The following VEGFC variants were observed in gnomAD, a reference collection of about 807,000 sequenced individuals.
VEGFC encodes the protein FLT4 ligand DHM.
In VEGFC, 12 loss-of-function variants were observed where a neutral mutation model predicts 46.1. The observed-to-expected ratio is 0.26, with a 90% CI of 0.17 to 0.42. The LOEUF (loss-of-function observed/expected upper bound fraction) is 0.42, where lower values mean the gene tolerates loss of function less well. VEGFC is among the 10% of genes least tolerant of loss of function. The probability of loss-of-function intolerance (pLI) is 1.00; values close to 1 mark genes in which losing one functional copy is unlikely to be tolerated. For missense variants in VEGFC, 488 were observed against 529.4 expected, an observed-to-expected ratio of 0.92 and a Z score of 0.77; for synonymous variants, 232 against 195.5, an observed-to-expected ratio of 1.19 and a Z score of -1.56.
intron 1 of VEGFC, among the ~76,000 whole-genome samples, chr4:176,788,994 A>G (rs1448879410): frequency 6.6e-6 from 1 of 152,256 alleles, no homozygotes; most frequent in Non-Finnish European, 1.5e-5. Context: ...TGAACATCAC[A>G]GATAATGATT....
chr4:176,786,599 G>A (rs145647425), intron 1 of VEGFC, among the ~76,000 whole-genome samples: 5 of 152,126 alleles, frequency 3.3e-5, no homozygotes, highest in African/African-American at 1.2e-4. Flanking sequence ...TAATTCACTT[G>A]TAGTATTTTT....
intron 4 of VEGFC, among the ~76,000 whole-genome samples, chr4:176,692,913 G>A (rs531488876): frequency 5.4e-4 from 79 of 147,562 alleles, no homozygotes; most frequent in Non-Finnish European, 8.5e-4. Flanking sequence ...TGCAGCTGAG[G>A]GTCCTGTCTG....
chr4:176,737,393 ATC>A (rs1454515267), intron 1 of VEGFC, among the ~76,000 whole-genome samples: 2 of 147,442 alleles, frequency 1.4e-5, no homozygotes, highest in Non-Finnish European at 3.0e-5. Flanking sequence ...TTATAATATA[ATC>A]TCTTTTTAAC....
chr4:176,698,173 G>T (rs1734358540), intron 4 of VEGFC, among the ~76,000 whole-genome samples: 1 of 150,580 alleles, frequency 6.6e-6, no homozygotes, highest in Non-Finnish European at 1.5e-5. Context: ...ATAATTACTA[G>T]CTCTTATACT....
chr4:176,746,002 A>C (rs1439868606), intron 1 of VEGFC, among the ~76,000 whole-genome samples: 2 of 152,140 alleles, frequency 1.3e-5, no homozygotes, highest in Non-Finnish European at 2.9e-5. Context: ...TGAAGTCAAC[A>C]TAAAACAGAA....
At chr4:176,708,386 C>G (rs1239995032) in intron 4 of VEGFC, among the ~76,000 whole-genome samples, 2 of 151,852 alleles carry the variant, frequency 1.3e-5, no homozygotes, top group African/African-American at 4.8e-5. Context: ...TTTAACACTA[C>G]ATTGAACAAA....
At chr4:176,751,196 T>G (rs779577205) in intron 1 of VEGFC, among the ~76,000 whole-genome samples, 1 of 151,400 alleles carries the variant, frequency 6.6e-6, no homozygotes, top group African/African-American at 2.4e-5. Flanking sequence ...AACACAGAAA[T>G]AGAGAGAGCC....
chr4:176,694,612 T>C (rs1274382487), intron 4 of VEGFC, among the ~76,000 whole-genome samples: 1 of 151,790 alleles, frequency 6.6e-6, no homozygotes, highest in Non-Finnish European at 1.5e-5. Flanking sequence ...TTGAACTCAG[T>C]TCTGCACCAA....
rs1734423172 is a variant in VEGFC, at chr4:176,701,072, A to C, written c.704+10427T>G. 3.3e-5 allele frequency among the ~76,000 whole-genome samples: 5 copies of C among 152,314 alleles called. No homozygotes were observed. In the South Asian group the frequency reaches 1.0e-3, roughly 32 times the overall value. The stretch of plus-strand genomic sequence containing the variant: ...AAAATCCACAGAACTTACACCCAAA[A>C]AAGAGGGAACCCTAATGTAAGCTAT... On this transcript the variant is annotated intron_variant, in intron 4 of 6. Transcript: ENST00000618562.
chr4:176,736,576 A>G (rs553873612), intron 1 of VEGFC, among the ~76,000 whole-genome samples: 43 of 151,810 alleles, frequency 2.8e-4, no homozygotes, highest in Non-Finnish European at 4.7e-4. Context: ...GTAACACTTC[A>G]TAAGTATTAA....
chr4:176,759,990 C>T (rs1275850640), intron 1 of VEGFC, among the ~76,000 whole-genome samples: 1 of 151,784 alleles, frequency 6.6e-6, no homozygotes, highest in African/African-American at 2.4e-5. Flanking sequence ...TGTTTTTACA[C>T]AGAAAAAATT....
At chr4:176,687,957 T>C (rs1384109976) in intron 4 of VEGFC, 30 bp from the exon 5 acceptor site, 2 of 1,340,100 alleles carry the variant, frequency 1.5e-6, no homozygotes, top group African/African-American at 1.5e-5. Context: ...GGTTTAGCAA[T>C]GGTGTAACTG....
At chr4:176,756,623 C>T (rs1206252023) in intron 1 of VEGFC, among the ~76,000 whole-genome samples, 1 of 151,970 alleles carries the variant, frequency 6.6e-6, no homozygotes, top group Non-Finnish European at 1.5e-5. Flanking sequence ...AAACGTACTC[C>T]AATTCTGATA....
intron 1 of VEGFC, among the ~76,000 whole-genome samples, chr4:176,787,967 T>C (rs777503444): frequency 6.6e-6 from 1 of 152,228 alleles, no homozygotes; most frequent in Non-Finnish European, 1.5e-5. Flanking sequence ...TAGACCCATA[T>C]AGTATTTATA....
At chr4:176,695,190 G>C (rs1162243350) in intron 4 of VEGFC, among the ~76,000 whole-genome samples, 1 of 152,032 alleles carries the variant, frequency 6.6e-6, no homozygotes, top group Non-Finnish European at 1.5e-5. Context: ...GAATCCAGGA[G>C]CTGGTTTTTT....
At chr4:176,738,711 TTAAAC>T (rs1383970444) in intron 1 of VEGFC, among the ~76,000 whole-genome samples, 1 of 152,052 alleles carries the variant, frequency 6.6e-6, no homozygotes, top group East Asian at 1.9e-4. Context: ...TGGGATCTAA[TTAAAC>T]TAAAGAGCTT....
At chr4:176,762,448 G>T (rs1008707965) in intron 1 of VEGFC, among the ~76,000 whole-genome samples, 1 of 152,120 alleles carries the variant, frequency 6.6e-6, no homozygotes, top group African/African-American at 2.4e-5. Context: ...AAGCAGAGAC[G>T]GGGCCCTCAC....
At chr4:176,704,147 T>C (rs1278615006) in intron 4 of VEGFC, among the ~76,000 whole-genome samples, 2 of 152,160 alleles carry the variant, frequency 1.3e-5, no homozygotes, top group African/African-American at 2.4e-5. Context: ...TCTCTCTCTC[T>C]GTTGTTATTC....
At chr4:176,786,670 T>A (rs1271763803) in intron 1 of VEGFC, among the ~76,000 whole-genome samples, 1 of 152,236 alleles carries the variant, frequency 6.6e-6, no homozygotes, top group Non-Finnish European at 1.5e-5. Context: ...GATCACTCAC[T>A]CTACATTTTT....
Sources: gnomAD v4.1 joint callset for allele counts (sites outside exome capture counted in the v4.1 genomes callset) on GRCh38, gnomAD v4.1.1 for gene constraint, MANE v1.5 for transcripts, NCBI Gene and HGNC (gene_info 2026-07-23, HGNC 2026-07-21) for gene names.